KCNJ6: variants seen among roughly 807,000 people sequenced by gnomAD.
KCNJ6 encodes potassium inwardly rectifying channel subfamily J member 6.
Under a neutral mutation model 34.2 loss-of-function variants are expected in KCNJ6, and 9 were observed. That is an observed-to-expected ratio of 0.26 (90% CI 0.16 to 0.46). KCNJ6 has a LOEUF of 0.46. Ranked by LOEUF, KCNJ6 falls within the 20% of genes least tolerant of loss-of-function variation. The probability of loss-of-function intolerance (pLI) is 1.00; values close to 1 mark genes in which losing one functional copy is unlikely to be tolerated. For missense variants in KCNJ6, 236 were observed against 531.3 expected, an observed-to-expected ratio of 0.44 and a Z score of 5.46; for synonymous variants, 196 against 207.1, an observed-to-expected ratio of 0.95 and a Z score of 0.46.
chr21:37,692,175 C>T (rs2054642949), intron 3 of KCNJ6, among the ~76,000 whole-genome samples: 1 of 152,128 alleles, frequency 6.6e-6, no homozygotes, highest in African/African-American at 2.4e-5. Flanking sequence ...AACAAAGCTG[C>T]ATGTTCTGCA....
At chr21:37,831,784 G>T (rs1019517191) in intron 2 of KCNJ6, among the ~76,000 whole-genome samples, 6 of 152,202 alleles carry the variant, frequency 3.9e-5, no homozygotes, top group African/African-American at 1.4e-4. Context: ...AGGGGAATGC[G>T]CAAGGAGGGG....
intron 1 of KCNJ6, among the ~76,000 whole-genome samples, chr21:37,873,843 T>G (rs1858444385): frequency 1.3e-5 from 2 of 152,016 alleles, no homozygotes; most frequent in African/African-American, 4.8e-5. Context: ...ACTTGTACCT[T>G]TTATCCCTCC....
Position 37,693,796 on chromosome 21 carries a change from C to T in KCNJ6, c.946+20415G>A, listed in dbSNP as rs542049429. ...CATAGAACTGTTACCTTTTGGTAGT[C>T]TGGCTTCCTCATGCCCTCCCTCCAG... On this transcript the variant is annotated intron_variant, in intron 3 of 3. Coordinates refer to ENST00000609713, the MANE Select transcript of KCNJ6 (RefSeq NM_002240.5). 3.8e-4 allele frequency among the ~76,000 whole-genome samples: 58 copies of T among 152,268 alleles called. 1 individual carries two copies. The highest frequency in any genetic ancestry group is 1.4e-3 in the African/African-American group (57 of 41,556).
Position 37,853,846 on chromosome 21 carries a change from G to GTATATATATATATATATATATACATATA in KCNJ6, c.-27-13138_-27-13137insTATATGTATATATATATATATATATATA, listed in dbSNP as rs144698876. 6.1e-4 allele frequency among the ~76,000 whole-genome samples: 71 copies of GTATATATATATATATATATATACATATA among 115,954 alleles called. 1 individual carries two copies. Among genetic ancestry groups the GTATATATATATATATATATATACATATA allele is most frequent in the Middle Eastern group, 4.6e-3 (1 of 216 alleles). 76.1% of individuals were successfully genotyped at this position (115,954 alleles called of 152,430 possible). Reference sequence around the variant, plus strand: ...GTAGTTAAGAGATACATATATATATGTATATATATATATATAAATTACATT... The same window carrying GTATATATATATATATATATATACATATA: ...GTAGTTAAGAGATACATATATATATGTATATATATATATATATATATACATATATATATATATATATATAAATTACATT... On this transcript the variant is annotated intron_variant, in intron 1 of 3. Coordinates refer to ENST00000609713, the MANE Select transcript of KCNJ6 (RefSeq NM_002240.5).
chr21:37,761,882 C>A (rs2055067205), intron 2 of KCNJ6, among the ~76,000 whole-genome samples: 2 of 152,118 alleles, frequency 1.3e-5, no homozygotes, highest in East Asian at 1.9e-4. Flanking sequence ...TTTGCACCTG[C>A]AACCCATGCT....
chr21:37,689,094 T>C (rs143551463), intron 3 of KCNJ6, among the ~76,000 whole-genome samples: 2 of 152,310 alleles, frequency 1.3e-5, no homozygotes, highest in Non-Finnish European at 2.9e-5. Flanking sequence ...ATATGTATAA[T>C]ATATCTCTAT....
rs772974420 is a variant in KCNJ6, at chr21:37,695,595, G to GT, written c.946+18615dup. ...GATCAACATGCTGGTAAGTATTGGA[G>GT]TGAGGAGCTTGGGATTTCTCCCTGA... is the stretch of plus-strand genomic sequence containing the variant. On this transcript the variant is annotated intron_variant, in intron 3 of 3. Coordinates refer to ENST00000609713, the MANE Select transcript of KCNJ6 (RefSeq NM_002240.5). The surrounding 1 kb of genome is among the most constrained non-coding windows in gnomAD (Gnocchi z 4.2). Among the ~76,000 whole-genome samples, 1 of 152,224 alleles carries GT rather than the reference G, an allele frequency of 6.6e-6. No individual in the cohort carries two copies. Among genetic ancestry groups the GT allele is most frequent in the African/African-American group, 2.4e-5 (1 of 41,448 alleles).
intron 2 of KCNJ6, among the ~76,000 whole-genome samples, chr21:37,787,274 G>C (rs2055197140): frequency 6.6e-6 from 1 of 152,184 alleles, no homozygotes; most frequent in South Asian, 2.1e-4. Flanking sequence ...TTCTTAGGAA[G>C]AGCTGAGACT....
intron 2 of KCNJ6, among the ~76,000 whole-genome samples, chr21:37,797,961 C>G (rs1431731698): frequency 6.6e-6 from 1 of 152,168 alleles, no homozygotes; most frequent in Admixed American, 6.5e-5. Flanking sequence ...AACAATCCTC[C>G]AATATTGATA....
At chr21:37,862,996 G>C (rs2055602217) in intron 1 of KCNJ6, among the ~76,000 whole-genome samples, 1 of 152,228 alleles carries the variant, frequency 6.6e-6, no homozygotes, top group Non-Finnish European at 1.5e-5. Context: ...GCCAACAGCA[G>C]AGCCGTGCTC....
intron 1 of KCNJ6, among the ~76,000 whole-genome samples, chr21:37,859,513 ATATATATATATATATAT>A (rs1568875078): frequency 1.1e-3 from 130 of 122,292 alleles, no homozygotes; most frequent in East Asian, 7.4e-3. Context: ...ATATATATAT[ATATATATATATATATAT>A]AAAATACTTA....
chr21:37,694,179 G>T (rs1351643973), intron 3 of KCNJ6, among the ~76,000 whole-genome samples: 2 of 152,170 alleles, frequency 1.3e-5, no homozygotes, highest in African/African-American at 4.8e-5. Flanking sequence ...ATACCTGTGG[G>T]CCCTGAGTTT....
At chr21:37,880,878 C>A (rs1243748265) in intron 1 of KCNJ6, among the ~76,000 whole-genome samples, 2 of 152,108 alleles carry the variant, frequency 1.3e-5, no homozygotes, top group Non-Finnish European at 2.9e-5. Context: ...TCTAGGTTGT[C>A]AGAAGGCAAA....
chr21:37,801,102 G>A (rs2055267012), intron 2 of KCNJ6, among the ~76,000 whole-genome samples: 1 of 152,180 alleles, frequency 6.6e-6, no homozygotes, highest in Non-Finnish European at 1.5e-5. Flanking sequence ...TTCAGAATCA[G>A]ATAGCTGGGG....
intron 2 of KCNJ6, among the ~76,000 whole-genome samples, chr21:37,829,068 C>T (rs1227706646): frequency 6.6e-6 from 1 of 152,284 alleles, no homozygotes; most frequent in East Asian, 1.9e-4. Context: ...TCTCCTATTG[C>T]CCTCTGCCTT....
chr21:37,911,583 G>T (rs2055867389), intron 1 of KCNJ6, among the ~76,000 whole-genome samples: 1 of 152,116 alleles, frequency 6.6e-6, no homozygotes, highest in Non-Finnish European at 1.5e-5. Flanking sequence ...ACCTCACTTT[G>T]AAAAGTATTG....
intron 3 of KCNJ6, among the ~76,000 whole-genome samples, chr21:37,678,830 C>T (rs914161142): frequency 1.3e-5 from 2 of 152,178 alleles, no homozygotes; most frequent in African/African-American, 4.8e-5. Flanking sequence ...CTGAGGGGGC[C>T]AAATCCCAGC....
chr21:37,637,827 T>C (rs915586115), intron 3 of KCNJ6, among the ~76,000 whole-genome samples: 11 of 152,218 alleles, frequency 7.2e-5, no homozygotes, highest in African/African-American at 2.7e-4. Flanking sequence ...TCTTTCTACA[T>C]GCACACAGAA....
chr21:37,669,262 A>G (rs2054531039), intron 3 of KCNJ6, among the ~76,000 whole-genome samples: 1 of 152,068 alleles, frequency 6.6e-6, no homozygotes, highest in Non-Finnish European at 1.5e-5. Context: ...AACAATTTAT[A>G]CCTCACATGT....
Sources: allele counts gnomAD v4.1 joint callset (sites outside exome capture counted in the v4.1 genomes callset), GRCh38; gene constraint gnomAD v4.1.1; non-coding constraint Gnocchi (gnomAD v3.1); transcripts MANE v1.5; gene names NCBI Gene and HGNC (gene_info 2026-07-23, HGNC 2026-07-21).